The following PRKAG2 variants were observed in gnomAD, a reference collection of about 807,000 sequenced individuals.
PRKAG2 encodes the protein protein kinase AMP-activated non-catalytic subunit gamma 2.
Under a neutral mutation model 69.6 loss-of-function variants are expected in PRKAG2, and 26 were observed. The observed-to-expected ratio is 0.37, with a 90% CI of 0.27 to 0.52. The LOEUF (loss-of-function observed/expected upper bound fraction) is 0.52. PRKAG2 is among the 20% of genes least tolerant of loss of function. PRKAG2 has a pLI of 0.90. For synonymous variants in PRKAG2, 293 were observed against 285.0 expected, an observed-to-expected ratio of 1.03 and a Z score of -0.28; for missense variants, 557 against 740.0, an observed-to-expected ratio of 0.75 and a Z score of 2.87.
chr7:151,782,103 C>T (rs2076699972), intron 2 of PRKAG2, among the ~76,000 whole-genome samples: 1 of 151,738 alleles, frequency 6.6e-6, no homozygotes, highest in Admixed American at 6.6e-5. Context: ...GAAACCCCAT[C>T]TCTACTAAAA....
Position 151,595,383 on chromosome 7 carries a change from T to C in PRKAG2, c.826A>G (p.Thr276Ala), listed in dbSNP as rs727505340. The change falls in exon 6 of 16, where the codon ACC becomes GCC. Residue 276 changes from threonine (T) to alanine (A), a missense_variant. Around this residue, in one of 2 missense-constraint regions of PRKAG2, gnomAD observed 205 missense variants for 383.4 expected, o/e 0.53. Transcript: ENST00000287878. ...RSHKCYDIVP[T>A]SSKLVVFDTT... Reference sequence around the variant, plus strand: ...TCAAAGACAACAAGCTTTGAACTGGTTGGAACGATGTCATAACACTTGTGT... The same window carrying C: ...TCAAAGACAACAAGCTTTGAACTGGCTGGAACGATGTCATAACACTTGTGT... 4 of 1,613,946 alleles carry C rather than the reference T, an allele frequency of 2.5e-6. No homozygotes were observed. In the South Asian group the frequency reaches 4.4e-5, roughly 18 times the overall value.
At chr7:151,761,142 C>T (rs561346805) in intron 3 of PRKAG2, among the ~76,000 whole-genome samples, 3 of 152,320 alleles carry the variant, frequency 2.0e-5, no homozygotes, top group Admixed American at 1.3e-4. Context: ...TGGGCACACA[C>T]AGGCCAAGCT....
At chr7:151,585,823 T>C (rs1398974120) in intron 6 of PRKAG2, among the ~76,000 whole-genome samples, 2 of 152,134 alleles carry the variant, frequency 1.3e-5, no homozygotes, top group Non-Finnish European at 2.9e-5. Flanking sequence ...AGGCAGAGTG[T>C]ATTTGGGAAT....
At chr7:151,813,278 C>T (rs139393890) in intron 1 of PRKAG2, among the ~76,000 whole-genome samples, 2 of 152,260 alleles carry the variant, frequency 1.3e-5, no homozygotes, top group African/African-American at 2.4e-5. Context: ...ACGCCATCAA[C>T]GCTGGATTCC....
intron 3 of PRKAG2, among the ~76,000 whole-genome samples, chr7:151,757,018 T>A (rs1402784728): frequency 1.3e-5 from 2 of 152,136 alleles, no homozygotes; most frequent in East Asian, 3.9e-4. Flanking sequence ...TACTCGAGTC[T>A]GACCCCCCGG....
chr7:151,840,074 T>C (rs1176270911), intron 1 of PRKAG2, among the ~76,000 whole-genome samples: 2 of 152,210 alleles, frequency 1.3e-5, no homozygotes, highest in South Asian at 2.1e-4. Flanking sequence ...CCTGAGTGTG[T>C]GCGCCAGTCC....
At position 151,853,653 on chromosome 7, in the gene PRKAG2, C is replaced by T. The variant is rs139019402; in HGVS notation, c.114+22854G>A. Among the ~76,000 whole-genome samples the T allele has an allele frequency of 2.4e-4, 36 of 150,880 alleles. 1 individual carries two copies. The East Asian group carries it at 6.7e-3, about 28-fold the overall frequency. The stretch of plus-strand genomic sequence containing the variant: ...CGGGTGCCTGTAGTCCCAGCTACTC[C>T]GGAGGCTGAGGCAGGAGAATGGCGT... On this transcript the variant is annotated intron_variant, in intron 1 of 15. Transcript: ENST00000287878.
At chr7:151,821,053 G>GTAGAAGAGAGCCTCCAAC (rs1216334379) in intron 1 of PRKAG2, among the ~76,000 whole-genome samples, 1 of 151,930 alleles carries the variant, frequency 6.6e-6, no homozygotes, top group South Asian at 2.1e-4. Context: ...CAGAAGGAAA[G>GTAGAAGAGAGCCTCCAAC]CTGTGGAGAC....
chr7:151,762,790 A>C (rs1053247288), intron 3 of PRKAG2, among the ~76,000 whole-genome samples: 2 of 152,206 alleles, frequency 1.3e-5, no homozygotes, highest in African/African-American at 4.8e-5. Context: ...AGAGAGGTCC[A>C]TCTGCAACCC....
intron 4 of PRKAG2, among the ~76,000 whole-genome samples, chr7:151,647,365 A>G (rs1030930630): frequency 2.0e-5 from 3 of 152,242 alleles, no homozygotes; most frequent in African/African-American, 7.2e-5. Flanking sequence ...TCAATGAGAT[A>G]CAGGCCCGGC....
At chr7:151,589,221 G>A (rs1318596860) in intron 6 of PRKAG2, among the ~76,000 whole-genome samples, 2 of 152,322 alleles carry the variant, frequency 1.3e-5, no homozygotes, top group South Asian at 2.1e-4. Context: ...CTGTAGCAGC[G>A]GCTGAATACA....
rs1450212245 is a variant in PRKAG2 at position 151,632,908 on chromosome 7, A to T, written c.685-770T>A. ...CGCTGCCAAAAACGTACACACCCTG[A>T]ATCTGGCCCTGGCCGCTCAGGAGCT... On this transcript the variant is annotated intron_variant, in intron 4 of 15. Transcript: ENST00000287878. The surrounding 1 kb of genome is among the most constrained non-coding windows in gnomAD (Gnocchi z 4.2). The T allele has an allele frequency of 6.6e-6, 1 of 151,856 alleles. No individual in the cohort carries two copies. Among genetic ancestry groups the T allele is most frequent in the Non-Finnish European group, 1.5e-5 (1 of 67,982 alleles). The allele number at this position is 151,856 out of a possible 1,614,324, so 9.4% of individuals were successfully genotyped here. A position where few individuals can be genotyped will look rare whatever the true frequency, so the allele number is the denominator to read the frequency against.
chr7:151,865,758 G>A (rs1041072959), intron 1 of PRKAG2, among the ~76,000 whole-genome samples: 4 of 152,198 alleles, frequency 2.6e-5, no homozygotes, highest in East Asian at 1.9e-4. Context: ...AGTGGCTCAC[G>A]CCTGTAATCC....
intron 1 of PRKAG2, among the ~76,000 whole-genome samples, chr7:151,797,131 G>A (rs893270757): frequency 2.6e-5 from 4 of 152,020 alleles, no homozygotes; most frequent in African/African-American, 2.4e-5. Flanking sequence ...AACCAGCCAC[G>A]AGGTGAAAGT....
chr7:151,752,038 G>C (rs1586282442), intron 3 of PRKAG2, among the ~76,000 whole-genome samples: 1 of 152,174 alleles, frequency 6.6e-6, no homozygotes, highest in African/African-American at 2.4e-5. Flanking sequence ...ACAGGGTGGG[G>C]ATATGATGGG....
In PRKAG2 at chr7:151,777,483, G is replaced by A. The variant is rs546281158; in HGVS notation, c.466+3669C>T. On this transcript the variant is annotated intron_variant, in intron 3 of 15. Coordinates refer to ENST00000287878, the MANE Select transcript of PRKAG2 (RefSeq NM_016203.4). This position sits in a 1 kb window ranked among gnomAD's most constrained non-coding sequence, Gnocchi z 4.3. ...TTGCCTCCCTGCGGCAGTGAGTCCTGCTCTCTTAGCTGGGTGCTTTAAAGA... is the reference window on the plus strand; with the variant it reads ...TTGCCTCCCTGCGGCAGTGAGTCCTACTCTCTTAGCTGGGTGCTTTAAAGA... Among the ~76,000 whole-genome samples, 48 of 152,260 alleles carry A rather than the reference G, an allele frequency of 3.2e-4. No homozygotes were observed. The highest frequency in any genetic ancestry group is 9.1e-4 in the African/African-American group (38 of 41,556).
chr7:151,595,947 G>A (rs1462047868), intron 5 of PRKAG2, among the ~76,000 whole-genome samples: 1 of 152,042 alleles, frequency 6.6e-6, no homozygotes, highest in African/African-American at 2.4e-5. Context: ...AGGTGGAAGG[G>A]TCACTTGAGC....
chr7:151,789,019 T>C (rs969360675), intron 1 of PRKAG2, among the ~76,000 whole-genome samples: 4 of 152,248 alleles, frequency 2.6e-5, no homozygotes, highest in African/African-American at 9.6e-5. Context: ...GTCTGTATTT[T>C]ATGGTAGTAT....
intron 1 of PRKAG2, among the ~76,000 whole-genome samples, chr7:151,839,675 G>A (rs1012797172): frequency 3.3e-5 from 5 of 152,236 alleles, no homozygotes; most frequent in South Asian, 2.1e-4. Flanking sequence ...GGGAAGAAAC[G>A]CCAGGGACAC....
Sources: allele counts gnomAD v4.1 joint callset (sites outside exome capture counted in the v4.1 genomes callset), GRCh38; gene constraint gnomAD v4.1.1; regional missense constraint gnomAD v4.1.1; non-coding constraint Gnocchi (gnomAD v3.1); transcripts MANE v1.5; gene names NCBI Gene and HGNC (gene_info 2026-07-23, HGNC 2026-07-21).